The following MYO6 variants were observed in gnomAD, a reference collection of about 807,000 sequenced individuals.
MYO6 encodes the protein unconventional myosin-VI.
A neutral mutation model predicts 178.7 loss-of-function variants in MYO6; 74 were observed. The ratio of observed to expected loss-of-function variants is 0.41; its 90% CI spans 0.34 to 0.50. The LOEUF (loss-of-function observed/expected upper bound fraction) is 0.50, where lower values mean the gene tolerates loss of function less well. Ranked by LOEUF, MYO6 falls within the 20% of genes least tolerant of loss-of-function variation. The pLI, the probability that MYO6 is intolerant of heterozygous loss-of-function variation, is 0.09. For missense variants in MYO6, 1,330 were observed against 1,547.4 expected (o/e 0.86, Z 2.36); for synonymous variants, 477 against 504.6 (o/e 0.95, Z 0.73).
rs112998101 is a variant in MYO6 at position 75,771,002 on chromosome 6, CT to C, written c.-48+21592del. 7.3e-3 allele frequency among the ~76,000 whole-genome samples: 1,018 copies of C among 138,510 alleles called. 8 individuals carry two copies. Among genetic ancestry groups the C allele is most frequent in the Middle Eastern group, 0.019 (5 of 260 alleles). 90.9% of individuals were successfully genotyped at this position (138,510 alleles called of 152,430 possible). On this transcript the variant is annotated intron_variant, in intron 1 of 34. Transcript: ENST00000369977. Reference sequence around the variant, plus strand: ...ATAAGATAACAGCACTTTTTTTTTTCTTTTTTTTTTTTTCCCCCCTGAGATG... The same window carrying C: ...ATAAGATAACAGCACTTTTTTTTTTCTTTTTTTTTTTTCCCCCCTGAGATG...
intron 1 of MYO6, among the ~76,000 whole-genome samples, chr6:75,790,672 G>A (rs1370133101): frequency 1.3e-5 from 2 of 152,016 alleles, no homozygotes; most frequent in South Asian, 2.1e-4. Context: ...AGCCACTTGC[G>A]CCTGGCCAGA....
chr6:75,859,305 CTT>C (rs1161462411), intron 14 of MYO6, among the ~76,000 whole-genome samples: 2 of 144,936 alleles, frequency 1.4e-5, no homozygotes, highest in African/African-American at 2.5e-5. Flanking sequence ...GTCTCTACTT[CTT>C]TTTTTTTTTT....
Position 75,916,499 on chromosome 6 carries a change from A to C in MYO6, c.*1487A>C, listed in dbSNP as rs1270667410. On this transcript the variant is annotated 3_prime_UTR_variant, in exon 35 of 35. Coordinates refer to ENST00000369977, the MANE Select transcript of MYO6 (RefSeq NM_004999.4). ...TGCTATTGAGAATGCAAATGTGATT[A>C]TCTTTTGAAGGCTGTATTACTGCAT... The C allele has an allele frequency of 1.3e-5, 2 of 152,636 alleles. No individual in the cohort carries two copies. The highest frequency in any genetic ancestry group is 2.4e-5 in the African/African-American group (1 of 41,456). The allele number at this position is 152,636 out of a possible 1,614,324, so 9.5% of individuals were successfully genotyped here. A position where few individuals can be genotyped will look rare whatever the true frequency, so the allele number is the denominator to read the frequency against.
intron 10 of MYO6, among the ~76,000 whole-genome samples, chr6:75,845,646 A>G (rs909103640): frequency 6.6e-6 from 1 of 151,950 alleles, no homozygotes; most frequent in Non-Finnish European, 1.5e-5. Flanking sequence ...GTGAGCCACG[A>G]TCATGCCATT....
intron 22 of MYO6, among the ~76,000 whole-genome samples, chr6:75,880,981 G>A (rs1034568598): frequency 8.5e-5 from 13 of 152,244 alleles, no homozygotes; most frequent in African/African-American, 3.1e-4. Flanking sequence ...GTTGGGCGCT[G>A]TGGCTCACGC....
At chr6:75,879,674 A>C in intron 20 of MYO6, 146 bp from the exon 21 acceptor site, 1 of 1,118,996 alleles carries the variant, frequency 8.9e-7, no homozygotes, top group Non-Finnish European at 1.3e-6. Flanking sequence ...AATGAGCATA[A>C]ATATTTTCCT....
chr6:75,911,060 A>T (rs866428668), intron 32 of MYO6, among the ~76,000 whole-genome samples: 4 of 152,022 alleles, frequency 2.6e-5, no homozygotes, highest in African/African-American at 7.2e-5. Flanking sequence ...GCATACTTTC[A>T]TCTCATTTAC....
intron 3 of MYO6, among the ~76,000 whole-genome samples, chr6:75,827,376 T>C (rs1024343114): frequency 4.6e-5 from 7 of 152,194 alleles, no homozygotes; most frequent in African/African-American, 1.7e-4. Context: ...ATCTAATAAA[T>C]AGTTCAGTCT....
At chr6:75,828,485 T>C in intron 3 of MYO6, 55 bp from the exon 4 acceptor site, 1 of 1,063,652 alleles carries the variant, frequency 9.4e-7, no homozygotes, top group East Asian at 2.4e-5. Flanking sequence ...ATAGTATTGC[T>C]TTATTTTATT....
intron 10 of MYO6, among the ~76,000 whole-genome samples, chr6:75,845,950 G>A (rs1194073974): frequency 1.3e-5 from 2 of 149,496 alleles, no homozygotes; most frequent in Admixed American, 1.3e-4. Flanking sequence ...TCGCACCACT[G>A]TACTCCAGCC....
At chr6:75,887,740 G>A (rs1204441843) in intron 25 of MYO6, among the ~76,000 whole-genome samples, 4 of 151,474 alleles carry the variant, frequency 2.6e-5, no homozygotes, top group African/African-American at 9.7e-5. Flanking sequence ...TTGGGAGGCC[G>A]AGGCAGGCGG....
At chr6:75,829,424 T>C (rs1454781189) in intron 4 of MYO6, among the ~76,000 whole-genome samples, 1 of 152,122 alleles carries the variant, frequency 6.6e-6, no homozygotes, top group African/African-American at 2.4e-5. Context: ...AACACATGGC[T>C]TCTTTGACAC....
At chr6:75,870,451 C>T (rs1777057866) in intron 18 of MYO6, among the ~76,000 whole-genome samples, 196 bp from the exon 19 acceptor site, 1 of 151,968 alleles carries the variant, frequency 6.6e-6, no homozygotes, top group African/African-American at 2.4e-5. Flanking sequence ...AGTTATTGTT[C>T]TTGCATTACA....
intron 1 of MYO6, among the ~76,000 whole-genome samples, chr6:75,785,878 A>G (rs1039921965): frequency 6.6e-6 from 1 of 151,934 alleles, no homozygotes; most frequent in South Asian, 2.1e-4. Context: ...TCTGTTGTAA[A>G]TTAAATCAAG....
chr6:75,759,176 A>G (rs557470035), intron 1 of MYO6, among the ~76,000 whole-genome samples: 2 of 152,264 alleles, frequency 1.3e-5, no homozygotes, highest in East Asian at 1.9e-4. Context: ...GGCCGTTTCT[A>G]TAGATCCGGT....
chr6:75,787,346 C>T (rs1031047129), intron 1 of MYO6, among the ~76,000 whole-genome samples: 1 of 152,066 alleles, frequency 6.6e-6, no homozygotes, highest in African/African-American at 2.4e-5. Context: ...ATTCCAGTAT[C>T]CATCAGCAAA....
intron 11 of MYO6, among the ~76,000 whole-genome samples, chr6:75,854,201 GC>G (rs1775532152): frequency 6.8e-6 from 1 of 147,922 alleles, no homozygotes; most frequent in Non-Finnish European, 1.5e-5. Context: ...AAATAAAATG[GC>G]ACACGTGCAG....
intron 1 of MYO6, among the ~76,000 whole-genome samples, chr6:75,785,580 G>A (rs1175181030): frequency 6.7e-6 from 1 of 150,292 alleles, no homozygotes; most frequent in Non-Finnish European, 1.5e-5. Context: ...TCAAGCGATC[G>A]TCCCGTGGAG....
intron 29 of MYO6, among the ~76,000 whole-genome samples, chr6:75,895,604 G>A (rs1779235409): frequency 6.7e-6 from 1 of 150,286 alleles, no homozygotes; most frequent in African/African-American, 2.5e-5. Context: ...CATAACCTCT[G>A]CCTCTCGGGT....
Sources: gnomAD v4.1 joint callset for allele counts (sites outside exome capture counted in the v4.1 genomes callset) on GRCh38, gnomAD v4.1.1 for gene constraint, MANE v1.5 for transcripts, NCBI Gene and HGNC (gene_info 2026-07-23, HGNC 2026-07-21) for gene names.